Variants in NMT2 observed in about 807,000 individuals in gnomAD.
NMT2 encodes N-myristoyltransferase 2.
A neutral mutation model predicts 65.4 loss-of-function variants in NMT2; 35 were observed. The ratio of observed to expected loss-of-function variants is 0.54; its 90% CI spans 0.41 to 0.71. NMT2 has a LOEUF of 0.71. NMT2 is among the 30% of genes least tolerant of loss of function. The pLI is 0.00. For missense variants in NMT2, 489 were observed against 611.3 expected, an observed-to-expected ratio of 0.80 and a Z score of 2.11; for synonymous variants, 226 against 231.8, an observed-to-expected ratio of 0.98 and a Z score of 0.23.
chr10:15,108,722 ATGTAAGG>A lies in NMT2; in HGVS notation c.*466_*472del. ...TTCCATAAATGTTCCCAGTGATACC[ATGTAAGG>A]TGATACCAGTAAAAAAAATTTCCAA... On this transcript the variant is annotated 3_prime_UTR_variant, in exon 12 of 12. Coordinates refer to ENST00000378165, the MANE Select transcript of NMT2 (RefSeq NM_004808.3). 2 of 1,014,594 alleles carry A rather than the reference ATGTAAGG, an allele frequency of 2.0e-6. No homozygotes were observed. The highest frequency in any genetic ancestry group is 8.0e-5 in the South Asian group (2 of 24,856). The allele number at this position is 1,014,594 out of a possible 1,614,324, so 62.8% of individuals were successfully genotyped here. A position where few individuals can be genotyped will look rare whatever the true frequency, so the allele number is the denominator to read the frequency against.
At chr10:15,140,773 C>T (rs927521215) in intron 2 of NMT2, among the ~76,000 whole-genome samples, 5 of 152,202 alleles carry the variant, frequency 3.3e-5, no homozygotes, top group Non-Finnish European at 5.9e-5. Flanking sequence ...GGGTTGGCTC[C>T]ACAGACAGGG....
intron 2 of NMT2, among the ~76,000 whole-genome samples, chr10:15,140,574 G>T (rs1483766672): frequency 1.3e-5 from 2 of 150,856 alleles, no homozygotes; most frequent in African/African-American, 2.4e-5. Flanking sequence ...ATGAAGTGCA[G>T]TGGTGTGATC....
At chr10:15,144,741 A>AG (rs1442253140) in intron 1 of NMT2, among the ~76,000 whole-genome samples, 2 of 152,166 alleles carry the variant, frequency 1.3e-5, no homozygotes, top group East Asian at 3.8e-4. Flanking sequence ...AAAAAAAAAA[A>AG]AGAAAGAGCC....
At position 15,132,032 on chromosome 10, in the gene NMT2, T is replaced by G. The variant is rs555896653; in HGVS notation, c.719+785A>C. Among the ~76,000 whole-genome samples the G allele has an allele frequency of 1.9e-4, 29 of 152,102 alleles. No individual in the cohort carries two copies. In the South Asian group the frequency reaches 4.2e-3, roughly 22 times the overall value. On this transcript the variant is annotated intron_variant, in intron 6 of 11. Transcript: ENST00000378165. The stretch of plus-strand genomic sequence containing the variant: ...AGGCACGTGCCACTATGCTGGCTAA[T>G]TTTTGTATTTTTAGTAGAGATGGGG...
At chr10:15,154,739 G>T (rs1031984888) in intron 1 of NMT2, 9 of 591,040 alleles carry the variant, frequency 1.5e-5, no homozygotes, top group Middle Eastern at 3.4e-4. Flanking sequence ...GGTGGAGGGT[G>T]TTCTTCTGAG....
In NMT2 at chr10:15,168,676, A is replaced by C; in HGVS notation, c.-64T>G. On this transcript the variant is annotated 5_prime_UTR_variant, in exon 1 of 12. Coordinates refer to ENST00000378165, the MANE Select transcript of NMT2 (RefSeq NM_004808.3). ...GGCCGGAGCGGCCGCAGCTCCCTCTAGTGCCTCCCGCCGTACTGCTTGGAG... is the reference window on the plus strand; with the variant it reads ...GGCCGGAGCGGCCGCAGCTCCCTCTCGTGCCTCCCGCCGTACTGCTTGGAG... The C allele has an allele frequency of 1.6e-6, 2 of 1,255,234 alleles. No individual in the cohort carries two copies. Among genetic ancestry groups the C allele is most frequent in the Non-Finnish European group, 2.2e-6 (2 of 912,316 alleles). The allele number at this position is 1,255,234 out of a possible 1,614,324, so 77.8% of individuals were successfully genotyped here.
At chr10:15,148,851 G>C (rs991554144) in intron 1 of NMT2, among the ~76,000 whole-genome samples, 1 of 152,104 alleles carries the variant, frequency 6.6e-6, no homozygotes, top group Admixed American at 6.6e-5. Context: ...CTGACAATAT[G>C]AATAAGCACT....
In NMT2 at chr10:15,113,463, C is replaced by CAAAAAAAAAAAAAAAAA. The variant is rs1169255963; in HGVS notation, c.1171-517_1171-501dup. Among the ~76,000 whole-genome samples, 41 of 36,998 alleles carry CAAAAAAAAAAAAAAAAA rather than the reference C, an allele frequency of 1.1e-3. 2 individuals are homozygous for CAAAAAAAAAAAAAAAAA. Among genetic ancestry groups the CAAAAAAAAAAAAAAAAA allele is most frequent in the African/African-American group, 3.3e-3 (36 of 10,832 alleles). 24.3% of individuals were successfully genotyped at this position (36,998 alleles called of 152,430 possible). ...CCAGCCTGGGCGACAGGATGAGACT[C>CAAAAAAAAAAAAAAAAA]AAAAAAAAAAAAAAAAAAAAAAAAA... On this transcript the variant is annotated intron_variant, in intron 9 of 11. Coordinates refer to ENST00000378165, the MANE Select transcript of NMT2 (RefSeq NM_004808.3).
In NMT2 at chr10:15,108,157, A is replaced by G. The variant is rs1055811057; in HGVS notation, c.*1038T>C. 2.3e-5 allele frequency: 23 copies of G among 983,912 alleles called. No individual in the cohort carries two copies. Among genetic ancestry groups the G allele is most frequent in the Non-Finnish European group, 2.8e-5 (23 of 829,716 alleles). The allele number at this position is 983,912 out of a possible 1,614,324, so 60.9% of individuals were successfully genotyped here. A position where few individuals can be genotyped will look rare whatever the true frequency, so the allele number is the denominator to read the frequency against. On this transcript the variant is annotated 3_prime_UTR_variant, in exon 12 of 12. Coordinates refer to ENST00000378165, the MANE Select transcript of NMT2 (RefSeq NM_004808.3). ...AACTGAACTTTGCACAACAGCAGAA[A>G]AGTCTAGTTAGTCGCGGGTACAGGC...
At chr10:15,143,744 C>T (rs1248721904) in intron 1 of NMT2, among the ~76,000 whole-genome samples, 1 of 152,038 alleles carries the variant, frequency 6.6e-6, no homozygotes, top group Non-Finnish European at 1.5e-5. Context: ...ACCTGTGGTG[C>T]CAGCTACTTG....
intron 9 of NMT2, among the ~76,000 whole-genome samples, chr10:15,115,985 C>A (rs968832936): frequency 6.6e-6 from 1 of 152,162 alleles, no homozygotes; most frequent in Non-Finnish European, 1.5e-5. Flanking sequence ...ACAATTACAG[C>A]TGGGGACTTC....
rs1845316530 is a variant in NMT2 at position 15,106,749 on chromosome 10, T to C, written c.*2446A>G. On this transcript the variant is annotated 3_prime_UTR_variant, in exon 12 of 12. Coordinates refer to ENST00000378165, the MANE Select transcript of NMT2 (RefSeq NM_004808.3). ...CTTAGGCTTTGCAGGCCACACAATCTGTCACAACAACTCAACTCAGCTTTG... is the reference window on the plus strand; with the variant it reads ...CTTAGGCTTTGCAGGCCACACAATCCGTCACAACAACTCAACTCAGCTTTG... 1.5e-6 allele frequency: 1 copy of C among 651,366 alleles called. No individual in the cohort carries two copies. The allele number at this position is 651,366 out of a possible 1,614,324, so 40.3% of individuals were successfully genotyped here.
intron 7 of NMT2, among the ~76,000 whole-genome samples, chr10:15,128,982 T>C (rs570304747): frequency 2.6e-5 from 4 of 152,268 alleles, no homozygotes; most frequent in African/African-American, 9.6e-5. Context: ...CACTCCAGCA[T>C]GGGCAACAGA....
chr10:15,108,011 T>A lies in NMT2; in HGVS notation c.*1184A>T, dbSNP rs1845366311. 11 of 985,828 alleles carry A rather than the reference T, an allele frequency of 1.1e-5. No individual in the cohort carries two copies. Among genetic ancestry groups the A allele is most frequent in the Non-Finnish European group, 1.3e-5 (11 of 829,922 alleles). 61.1% of individuals were successfully genotyped at this position (985,828 alleles called of 1,614,324 possible). A position where few individuals can be genotyped will look rare whatever the true frequency, so the allele number is the denominator to read the frequency against. On this transcript the variant is annotated 3_prime_UTR_variant, in exon 12 of 12. Coordinates refer to ENST00000378165, the MANE Select transcript of NMT2 (RefSeq NM_004808.3). ...AGGAGTATGTGCAATTTTGCATAAG[T>A]AATAAAAACATTCAAACTATCAATG...
At chr10:15,132,560 TG>T in intron 6 of NMT2, among the ~76,000 whole-genome samples, 1 of 152,072 alleles carries the variant, frequency 6.6e-6, no homozygotes, top group Non-Finnish European at 1.5e-5. Flanking sequence ...CCTGAGTAGG[TG>T]GGATTACAGG....
intron 8 of NMT2, among the ~76,000 whole-genome samples, chr10:15,127,567 A>AAAATAAATAAAT (rs772973798): frequency 1.1e-5 from 1 of 90,164 alleles, no homozygotes. Flanking sequence ...AAAAAAAAAA[A>AAAATAAATAAAT]AAATAAATAA....
intron 1 of NMT2, among the ~76,000 whole-genome samples, chr10:15,165,421 G>A (rs77713447): frequency 1.3e-5 from 2 of 152,066 alleles, no homozygotes; most frequent in African/African-American, 4.8e-5. Context: ...CTATTAGCCT[G>A]GTTCTAATTG....
rs59625068 is a variant in NMT2 at position 15,107,108 on chromosome 10, TAAAA to T, written c.*2083_*2086del. On this transcript the variant is annotated 3_prime_UTR_variant, in exon 12 of 12. Coordinates refer to ENST00000378165, the MANE Select transcript of NMT2 (RefSeq NM_004808.3). ...TGGACAATAGAGTGAGACCCTGTCC[TAAAA>T]AAAAAAAAAAAAAAAGTATGGCTAT... 1.7e-4 allele frequency among the ~76,000 whole-genome samples: 23 copies of T among 133,730 alleles called. No homozygotes were observed. Among genetic ancestry groups the T allele is most frequent in the Admixed American group, 2.2e-4 (3 of 13,382 alleles). The allele number at this position is 133,730 out of a possible 152,430, so 87.7% of individuals were successfully genotyped here. A position where few individuals can be genotyped will look rare whatever the true frequency, so the allele number is the denominator to read the frequency against.
chr10:15,130,878 C>A (rs1002876406), intron 6 of NMT2, among the ~76,000 whole-genome samples: 1 of 145,452 alleles, frequency 6.9e-6, no homozygotes, highest in Admixed American at 7.0e-5. Context: ...TAACCTCTTA[C>A]TCCTGGGTTC....
Sources: allele counts gnomAD v4.1 joint callset (sites outside exome capture counted in the v4.1 genomes callset), GRCh38; gene constraint gnomAD v4.1.1; transcripts MANE v1.5; gene names NCBI Gene and HGNC (gene_info 2026-07-23, HGNC 2026-07-21).